The following GGT5 variants were observed in gnomAD, a reference collection of about 807,000 sequenced individuals.
GGT5 encodes the protein gamma-glutamyltransferase 5, also known as glutathione hydrolase 5 proenzyme.
GGT5 carries 50 observed loss-of-function variants against 58.1 expected under a neutral mutation model. The ratio of observed to expected loss-of-function variants is 0.86; its 90% CI spans 0.69 to 1.09. GGT5 has a LOEUF of 1.09. GGT5 is among the 50% of genes least tolerant of loss of function. The pLI is 0.00. For synonymous variants in GGT5, 370 were observed against 346.1 expected (o/e 1.07, Z -0.77); for missense variants, 800 against 789.4 (o/e 1.01, Z -0.16).
intron 6 of GGT5, among the ~76,000 whole-genome samples, chr22:24,228,809 T>C (rs528535691): frequency 2.7e-5 from 4 of 150,220 alleles, no homozygotes; most frequent in Non-Finnish European, 5.9e-5. Context: ...AATGATATAA[T>C]GGGCCAGGCA....
chr22:24,226,486 C>G (rs573213386), intron 7 of GGT5, 145 bp downstream of exon 7: 2 of 905,922 alleles, frequency 2.2e-6, no homozygotes, highest in African/African-American at 1.7e-5. Flanking sequence ...CCTGCCACCC[C>G]GGGATCCCTT....
chr22:24,238,919 A>ATATATAATATATAT (rs1601426864), intron 1 of GGT5, among the ~76,000 whole-genome samples: 1 of 23,106 alleles, frequency 4.3e-5, no homozygotes, highest in East Asian at 1.5e-3. Context: ...TATATATTAT[A>ATATATAATATATAT]TATATAATAT....
chr22:24,226,846 G>A (rs2047783490), intron 6 of GGT5, 79 bp from the exon 7 acceptor site: 6 of 1,221,724 alleles, frequency 4.9e-6, no homozygotes, highest in Admixed American at 3.6e-5. Context: ...CCCCACCACA[G>A]AAAGATCCAC....
At position 24,233,467 on chromosome 22, in the gene GGT5, G is replaced by T. The variant is rs577863463; in HGVS notation, c.400+31C>A. The T allele has an allele frequency of 8.6e-6, 11 of 1,281,220 alleles. No individual in the cohort carries two copies. The African/African-American group carries it at 1.2e-4, about 14-fold the overall frequency. 79.4% of individuals were successfully genotyped at this position (1,281,220 alleles called of 1,614,324 possible). On this transcript the variant is annotated intron_variant, in intron 3 of 11. Coordinates refer to ENST00000327365, the MANE Select transcript of GGT5 (RefSeq NM_004121.5). ...CTGATTAGTCCTAGTGGCCTGGGGG[G>T]TGGGAGTGGGGGACCTCCATGGGGC...
Position 24,231,480 on chromosome 22 carries a change from C to A in GGT5, c.805G>T (p.Asp269Tyr). Residue 269 changes from aspartate (D) to tyrosine (Y), a missense_variant, in exon 6 of 12, where the codon GAT becomes TAT. Coordinates refer to ENST00000327365, the MANE Select transcript of GGT5 (RefSeq NM_004121.5). ...TCCCCCAGGGGCACCTCCAGGGCAT[C>A]CACCACCTCGGGCTGGAACTTGGCC... is the stretch of plus-strand genomic sequence containing the variant. Reference protein sequence around the residue: ...DLAKFQPEVVDALEVPLGDYT... With the variant: ...DLAKFQPEVVYALEVPLGDYT... 6.3e-7 allele frequency: 1 copy of A among 1,581,984 alleles called. No individual in the cohort carries two copies. The highest frequency in any genetic ancestry group is 8.6e-7 in the Non-Finnish European group (1 of 1,163,890).
In GGT5 at chr22:24,232,919, A is replaced by C; in HGVS notation, c.500T>G (p.Ile167Ser). 6.3e-7 allele frequency: 1 copy of C among 1,579,390 alleles called. No individual in the cohort carries two copies. Among genetic ancestry groups the C allele is most frequent in the Non-Finnish European group, 8.6e-7 (1 of 1,162,524 alleles). ...CACATGCCCCCCTCGGAGCAGCGCG[A>C]TGGTGGGCTGGAACAGCTGCGCCCA... is the stretch of plus-strand genomic sequence containing the variant. ...LPWAQLFQPTIALLRGGHVVA... is the reference protein window; with the variant it reads ...LPWAQLFQPTSALLRGGHVVA... The change falls in exon 4 of 12, where the codon ATC becomes AGC. Residue 167 changes from isoleucine (I) to serine (S), a missense_variant. By Grantham distance (142) the Ile-to-Ser change is moderately radical (BLOSUM62 -2). Coordinates refer to ENST00000327365, the MANE Select transcript of GGT5 (RefSeq NM_004121.5).
intron 11 of GGT5, chr22:24,220,824 G>A (rs1207633544): frequency 5.3e-6 from 2 of 374,076 alleles, no homozygotes; most frequent in African/African-American, 4.3e-5. Flanking sequence ...TTGAGCTCAG[G>A]AGTTCAAGAC....
At chr22:24,228,151 C>T (rs1355947729) in intron 6 of GGT5, among the ~76,000 whole-genome samples, 3 of 151,028 alleles carry the variant, frequency 2.0e-5, no homozygotes, top group Admixed American at 6.6e-5. Flanking sequence ...GCCCCGTTCT[C>T]GGCTGGGTGC....
At chr22:24,238,043 C>T (rs1243565736) in intron 1 of GGT5, among the ~76,000 whole-genome samples, 2 of 150,522 alleles carry the variant, frequency 1.3e-5, no homozygotes, top group Non-Finnish European at 3.0e-5. Flanking sequence ...GCCTGGCCAA[C>T]GTGGTTAAAA....
At chr22:24,238,888 ATTT>A (rs59505687) in intron 1 of GGT5, among the ~76,000 whole-genome samples, 2,634 of 14,586 alleles carry the variant, frequency 0.18, 499 homozygotes, top group African/African-American at 0.46. Context: ...TATATTATAT[ATTT>A]TATATATATA....
At position 24,238,827 on chromosome 22, in the gene GGT5, AT is replaced by A. The variant is rs1431793813; in HGVS notation, c.174-4824del. Among the ~76,000 whole-genome samples the A allele has an allele frequency of 1.8e-4, 2 of 11,074 alleles. 1 individual carries two copies. The highest frequency in any genetic ancestry group is 2.7e-4 in the Non-Finnish European group (2 of 7,336). 7.3% of individuals were successfully genotyped at this position (11,074 alleles called of 152,430 possible). On this transcript the variant is annotated intron_variant, in intron 1 of 11. Transcript: ENST00000327365. ...TATATAATATATTATATATATATAT[AT>A]ATATTTATATATATATATTATATAT...
At chr22:24,232,752 G>A in intron 4 of GGT5, 71 bp downstream of exon 4, 1 of 1,060,340 alleles carries the variant, frequency 9.4e-7, no homozygotes, top group Non-Finnish European at 1.3e-6. Context: ...AGGCAGAGCT[G>A]GGGTGTGGAC....
intron 1 of GGT5, among the ~76,000 whole-genome samples, 167 bp from the exon 2 acceptor site, chr22:24,234,171 G>C (rs1190941095): frequency 1.3e-5 from 2 of 152,222 alleles, no homozygotes; most frequent in Non-Finnish European, 1.5e-5. Context: ...ATCAAATCCA[G>C]CTGCTCACAG....
intron 11 of GGT5, among the ~76,000 whole-genome samples, chr22:24,223,754 CTTTTTTTT>C (rs898258352): frequency 2.5e-5 from 2 of 79,460 alleles, no homozygotes; most frequent in East Asian, 3.6e-4. Flanking sequence ...TGCTATCAAT[CTTTTTTTT>C]TTTTTTTTTT....
In GGT5 at chr22:24,231,456, C is replaced by T. The variant is rs770293947; in HGVS notation, c.829G>A (p.Asp277Asn). The change falls in exon 6 of 12, where the codon GAC (aspartate) becomes AAC (asparagine). Residue 277 changes from aspartate (D) to asparagine (N), a missense_variant. Asp to Asn is a conservative substitution (Grantham distance 23). Transcript: ENST00000327365. ...VVDALEVPLG[D>N]YTLYSPPPPA... ...GGCGGTGGTGAGTACAGGGTATAGT[C>T]CCCCAGGGGCACCTCCAGGGCATCC... 43 of 1,569,800 alleles carry T rather than the reference C, an allele frequency of 2.7e-5. 1 individual carries two copies. The South Asian group carries it at 3.9e-4, about 14-fold the overall frequency.
intron 11 of GGT5, 81 bp from the exon 12 acceptor site, chr22:24,220,197 GA>G: frequency 1.4e-6 from 2 of 1,392,996 alleles, no homozygotes; most frequent in Admixed American, 2.1e-5. Context: ...CAAGAAATGA[GA>G]AAAATGATCA....
At chr22:24,235,146 C>G (rs76190374) in intron 1 of GGT5, among the ~76,000 whole-genome samples, 7 of 149,698 alleles carry the variant, frequency 4.7e-5, no homozygotes, top group Non-Finnish European at 7.4e-5. Flanking sequence ...TGCAACCTCG[C>G]CTCCCGGATT....
At chr22:24,233,350 G>A in intron 3 of GGT5, 148 bp downstream of exon 3, 2 of 571,018 alleles carry the variant, frequency 3.5e-6, no homozygotes, top group Non-Finnish European at 6.2e-6. Flanking sequence ...ATCCCTGCAG[G>A]TTGGGGCTGG....
chr22:24,234,142 A>T, intron 1 of GGT5, 138 bp from the exon 2 acceptor site: 1 of 761,548 alleles, frequency 1.3e-6, no homozygotes, highest in South Asian at 1.8e-5. Context: ...TAGGTTGCAG[A>T]ACACAACCAG....
Sources: allele counts gnomAD v4.1 joint callset (sites outside exome capture counted in the v4.1 genomes callset), GRCh38; gene constraint gnomAD v4.1.1; transcripts MANE v1.5; gene names NCBI Gene and HGNC (gene_info 2026-07-23, HGNC 2026-07-21).